LRRN2: variants seen among roughly 807,000 people sequenced by gnomAD.
The protein encoded by LRRN2 is leucine rich repeat neuronal 2.
A neutral mutation model predicts 35.7 loss-of-function variants in LRRN2; 10 were observed. That is an observed-to-expected ratio of 0.28 (90% confidence interval 0.17 to 0.47). The LOEUF (loss-of-function observed/expected upper bound fraction) is 0.47. Among genes scored for constraint, LRRN2 ranks in the 20% least tolerant of loss-of-function variants. The probability of loss-of-function intolerance (pLI) is 0.99; values close to 1 mark genes in which losing one functional copy is unlikely to be tolerated. For missense variants in LRRN2, 731 were observed against 940.3 expected, an observed-to-expected ratio of 0.78 and a Z score of 2.91; for synonymous variants, 391 against 409.6, an observed-to-expected ratio of 0.95 and a Z score of 0.55.
At chr1:204,632,539 G>GAATCAC (rs1667731834) in intron 1 of LRRN2, among the ~76,000 whole-genome samples, 1 of 150,756 alleles carries the variant, frequency 6.6e-6, no homozygotes, top group African/African-American at 2.4e-5. Flanking sequence ...TGAGGCAAGA[G>GAATCAC]AATCACTTGA....
intron 1 of LRRN2, among the ~76,000 whole-genome samples, chr1:204,623,648 A>G (rs1667088031): frequency 6.6e-6 from 1 of 152,210 alleles, no homozygotes; most frequent in African/African-American, 2.4e-5. Context: ...GCTGATTAGC[A>G]GTTTCTACCG....
intron 1 of LRRN2, among the ~76,000 whole-genome samples, chr1:204,622,517 C>T (rs1242072125): frequency 2.0e-5 from 3 of 152,184 alleles, no homozygotes; most frequent in Admixed American, 6.5e-5. Context: ...TGCACCGACA[C>T]GTAAAACTCA....
intron 1 of LRRN2, among the ~76,000 whole-genome samples, chr1:204,654,112 C>T (rs1421444527): frequency 2.0e-5 from 3 of 150,456 alleles, no homozygotes; most frequent in Non-Finnish European, 4.4e-5. Context: ...GGATTTGAAT[C>T]TCGGCAGTCT....
chr1:204,666,023 G>C (rs974424770), intron 1 of LRRN2, among the ~76,000 whole-genome samples: 1 of 152,212 alleles, frequency 6.6e-6, no homozygotes, highest in African/African-American at 2.4e-5. Flanking sequence ...GAAGAAGCAG[G>C]AGTTGGAAGG....
At chr1:204,625,642 G>A (rs370134378) in intron 1 of LRRN2, among the ~76,000 whole-genome samples, 6 of 152,166 alleles carry the variant, frequency 3.9e-5, no homozygotes, top group African/African-American at 1.4e-4. Context: ...AGCTAACCAC[G>A]GTCCCGACTT....
intron 1 of LRRN2, among the ~76,000 whole-genome samples, chr1:204,642,276 T>C (rs1667995463): frequency 6.6e-6 from 1 of 152,246 alleles, no homozygotes; most frequent in Non-Finnish European, 1.5e-5. Context: ...CTCAAAACTC[T>C]GGGCAAACAG....
intron 1 of LRRN2, among the ~76,000 whole-genome samples, chr1:204,624,763 C>G (rs1317014658): frequency 7.6e-6 from 1 of 131,570 alleles, no homozygotes; most frequent in African/African-American, 2.6e-5. Context: ...CCACCCCCCC[C>G]CCCGGGAGCT....
chr1:204,625,357 T>C (rs1010854158), intron 1 of LRRN2, among the ~76,000 whole-genome samples: 1 of 152,194 alleles, frequency 6.6e-6, no homozygotes, highest in African/African-American at 2.4e-5. Flanking sequence ...CATCTTACCA[T>C]ACATTGGATT....
chr1:204,626,247 G>A (rs569293480), intron 1 of LRRN2, among the ~76,000 whole-genome samples: 4 of 152,026 alleles, frequency 2.6e-5, no homozygotes, highest in South Asian at 2.1e-4. Context: ...GGAAATGCCC[G>A]CCCTCTTCAT....
chr1:204,670,816 T>G (rs191069327), intron 1 of LRRN2, among the ~76,000 whole-genome samples: 78 of 151,830 alleles, frequency 5.1e-4, no homozygotes, highest in African/African-American at 1.8e-3. Flanking sequence ...AGCAGAGTGA[T>G]GGGGGAGGAA....
At chr1:204,651,299 T>G (rs898980103) in intron 1 of LRRN2, among the ~76,000 whole-genome samples, 16 of 152,178 alleles carry the variant, frequency 1.1e-4, no homozygotes, top group Non-Finnish European at 2.2e-4. Context: ...GGCACCTTGA[T>G]TTTGGCCTTT....
chr1:204,659,425 G>A (rs565718501), intron 1 of LRRN2, among the ~76,000 whole-genome samples: 3 of 152,256 alleles, frequency 2.0e-5, no homozygotes, highest in African/African-American at 4.8e-5. Flanking sequence ...CATGGAGCCC[G>A]GCCTGAAGTG....
chr1:204,678,907 A>G (rs1359305009), intron 1 of LRRN2, among the ~76,000 whole-genome samples: 2 of 152,164 alleles, frequency 1.3e-5, no homozygotes, highest in African/African-American at 4.8e-5. Context: ...ATCCCCAGAC[A>G]ATAAACTAAA....
rs114770515 is a variant in LRRN2, at chr1:204,654,430, A to G, written c.-227+30890T>C. 6.6e-3 allele frequency among the ~76,000 whole-genome samples: 1,001 copies of G among 152,300 alleles called. 14 individuals are homozygous for G. Among genetic ancestry groups the G allele is most frequent in the African/African-American group, 0.023 (958 of 41,566 alleles). ...TTAGCTGTGTGACTATTAGCTTGTT[A>G]GGCCTTAGTTTTTTCATCTGCAAAT... On this transcript the variant is annotated intron_variant, in intron 1 of 1. Transcript: ENST00000367177.
At chr1:204,626,671 A>C (rs966969790) in intron 1 of LRRN2, 3 of 152,038 alleles carry the variant, frequency 2.0e-5, no homozygotes, top group African/African-American at 7.2e-5. Flanking sequence ...TCCTCGAGGA[A>C]AGGATGGTTT....
In LRRN2 at chr1:204,619,862, C is replaced by T. The variant is rs747828732; in HGVS notation, c.131G>A (p.Arg44His). ...ACQIRPWYTP[R>H]SSYREATTVD... ...AGTGGTAGCCTCGCGGTAGGACGAG[C>T]GGGGCGTATACCAGGGCCGGATCTG... The change falls in exon 2 of 2, where the codon CGC (arginine) becomes CAC (histidine). Residue 44 changes from arginine to histidine, a missense_variant. Transcript: ENST00000367177. The T allele has an allele frequency of 2.0e-5, 33 of 1,613,428 alleles. No individual in the cohort carries two copies. Among genetic ancestry groups the T allele is most frequent in the East Asian group, 1.3e-4 (6 of 44,866 alleles).
At chr1:204,674,467 G>C (rs945714457) in intron 1 of LRRN2, among the ~76,000 whole-genome samples, 1 of 152,332 alleles carries the variant, frequency 6.6e-6, no homozygotes, top group Non-Finnish European at 1.5e-5. Flanking sequence ...GGTGGCTCAG[G>C]TGTGTTTCAG....
intron 1 of LRRN2, among the ~76,000 whole-genome samples, chr1:204,639,801 C>T (rs1383584011): frequency 1.3e-5 from 2 of 152,034 alleles, no homozygotes; most frequent in Non-Finnish European, 2.9e-5. Context: ...TATTATTATC[C>T]CCATTGTGCA....
intron 1 of LRRN2, among the ~76,000 whole-genome samples, chr1:204,646,512 C>T (rs577107309): frequency 6.6e-6 from 1 of 152,036 alleles, no homozygotes; most frequent in South Asian, 2.1e-4. Context: ...GGGGAGCTGG[C>T]AGGGAGGAGG....
Sources: gnomAD v4.1 joint callset for allele counts (sites outside exome capture counted in the v4.1 genomes callset) on GRCh38, gnomAD v4.1.1 for gene constraint, MANE v1.5 for transcripts, NCBI Gene and HGNC (gene_info 2026-07-23, HGNC 2026-07-21) for gene names.